VSTM2L: variants seen among roughly 807,000 people sequenced by gnomAD.
VSTM2L encodes V-set and transmembrane domain containing 2 like, also known as V-set and transmembrane domain-containing protein 2-like protein.
In VSTM2L, 9 loss-of-function variants were observed where a neutral mutation model predicts 19.9. The ratio of observed to expected loss-of-function variants is 0.45; its 90% CI spans 0.27 to 0.79. The LOEUF is 0.79. VSTM2L is among the 30% of genes least tolerant of loss of function. The pLI, the probability that VSTM2L is intolerant of heterozygous loss-of-function variation, is 0.15. For missense variants in VSTM2L, 286 were observed against 295.5 expected, an observed-to-expected ratio of 0.97 and a Z score of 0.24; for synonymous variants, 127 against 133.8, an observed-to-expected ratio of 0.95 and a Z score of 0.35.
At chr20:37,909,604 A>T (rs1187108637) in intron 1 of VSTM2L, among the ~76,000 whole-genome samples, 1 of 152,158 alleles carries the variant, frequency 6.6e-6, no homozygotes, top group Non-Finnish European at 1.5e-5. Context: ...AGGGGGAAAA[A>T]ATCACAAAAT....
At chr20:37,940,003 C>A (rs1349506567) in intron 3 of VSTM2L, among the ~76,000 whole-genome samples, 1 of 152,138 alleles carries the variant, frequency 6.6e-6, no homozygotes, top group Non-Finnish European at 1.5e-5. Flanking sequence ...GCCTTCGTGG[C>A]CCCATCTAGG....
At chr20:37,919,463 C>T (rs1256627542) in intron 1 of VSTM2L, among the ~76,000 whole-genome samples, 2 of 152,238 alleles carry the variant, frequency 1.3e-5, no homozygotes, top group South Asian at 4.1e-4. Context: ...AGGGCTTTTC[C>T]ATCCTGATTA....
intron 1 of VSTM2L, among the ~76,000 whole-genome samples, chr20:37,907,088 G>A (rs2072755508): frequency 6.6e-6 from 1 of 152,104 alleles, no homozygotes; most frequent in Admixed American, 6.5e-5. Context: ...ATGGGACCCT[G>A]GAATGTACAT....
intron 1 of VSTM2L, among the ~76,000 whole-genome samples, chr20:37,928,009 C>T (rs2072888090): frequency 6.6e-6 from 1 of 152,180 alleles, no homozygotes. Context: ...GCAGCCATTT[C>T]CCCACTGGAA....
intron 1 of VSTM2L, among the ~76,000 whole-genome samples, chr20:37,905,048 C>T (rs1316862188): frequency 6.6e-6 from 1 of 152,146 alleles, no homozygotes; most frequent in Non-Finnish European, 1.5e-5. Flanking sequence ...CAAGGTCACA[C>T]AGTAAGAGAG....
chr20:37,920,872 T>C (rs1331735310), intron 1 of VSTM2L, among the ~76,000 whole-genome samples: 1 of 151,310 alleles, frequency 6.6e-6, no homozygotes, highest in Non-Finnish European at 1.5e-5. Context: ...CCTCTGGGCT[T>C]TTGTCTGACC....
chr20:37,922,500 T>A (rs952745059), intron 1 of VSTM2L, among the ~76,000 whole-genome samples: 1 of 152,068 alleles, frequency 6.6e-6, no homozygotes, highest in Non-Finnish European at 1.5e-5. Context: ...TGGGGCCACG[T>A]TGGTTCTCAC....
chr20:37,931,707 G>A lies in VSTM2L; in HGVS notation c.194G>A (p.Arg65His), dbSNP rs776332509. The A allele has an allele frequency of 1.4e-5, 23 of 1,613,614 alleles. No individual in the cohort carries two copies. In the South Asian group the frequency reaches 1.5e-4, roughly 11 times the overall value. ...GACGTGGAGATGGCCTGCTCCTTCC[G>A]CGGCAGCGGCTCCCCCTCCTACTCG... ...GEDVEMACSF[R>H]GSGSPSYSLE... The change falls in exon 2 of 4, where the codon CGC (arginine) becomes CAC (histidine). Residue 65 changes from arginine to histidine, a missense_variant. Arg to His is a conservative substitution (Grantham distance 29). Transcript: ENST00000373461.
chr20:37,944,053 A>T lies in VSTM2L; in HGVS notation c.415A>T (p.Thr139Ser), dbSNP rs1470989378. ...LSRVKPTDEG[T>S]YECRVIDFSD... Reference sequence around the variant, plus strand: ...CCGGGTGAAGCCCACGGACGAAGGCACCTACGAGTGCCGCGTCATCGACTT... The same window carrying T: ...CCGGGTGAAGCCCACGGACGAAGGCTCCTACGAGTGCCGCGTCATCGACTT... Residue 139 changes from threonine (T) to serine (S), a missense_variant, in exon 4 of 4, where the codon ACC becomes TCC. By Grantham distance (58) the Thr-to-Ser change is moderately conservative. Transcript: ENST00000373461. 1.9e-6 allele frequency: 3 copies of T among 1,611,888 alleles called. No homozygotes were observed. The East Asian group carries it at 6.7e-5, about 36-fold the overall frequency.
intron 1 of VSTM2L, among the ~76,000 whole-genome samples, chr20:37,916,904 A>G (rs1264603528): frequency 6.6e-6 from 1 of 152,198 alleles, no homozygotes; most frequent in East Asian, 1.9e-4. Context: ...TGAGGTTGCC[A>G]GGGGTTAGGG....
chr20:37,935,215 A>G (rs994742233), intron 3 of VSTM2L, among the ~76,000 whole-genome samples: 1 of 152,218 alleles, frequency 6.6e-6, no homozygotes, highest in Non-Finnish European at 1.5e-5. Context: ...TGAATGTGCA[A>G]TTACCCCCAG....
intron 1 of VSTM2L, among the ~76,000 whole-genome samples, chr20:37,922,531 G>T (rs1170737483): frequency 6.6e-6 from 1 of 152,150 alleles, no homozygotes; most frequent in Non-Finnish European, 1.5e-5. Context: ...TCTAGCCTCA[G>T]CTCTGCCTTG....
intron 3 of VSTM2L, among the ~76,000 whole-genome samples, chr20:37,937,169 C>T (rs6091553): frequency 6.6e-6 from 1 of 152,046 alleles, no homozygotes; most frequent in East Asian, 1.9e-4. Context: ...TGCAGTGAGC[C>T]GAGATCGCAC....
chr20:37,927,597 G>A (rs1046622006), intron 1 of VSTM2L, among the ~76,000 whole-genome samples: 1 of 152,154 alleles, frequency 6.6e-6, no homozygotes, highest in Non-Finnish European at 1.5e-5. Context: ...GGCTGAACCC[G>A]GGCTGCTGAG....
At chr20:37,909,439 T>C (rs2072767865) in intron 1 of VSTM2L, among the ~76,000 whole-genome samples, 1 of 152,110 alleles carries the variant, frequency 6.6e-6, no homozygotes, top group African/African-American at 2.4e-5. Flanking sequence ...CCCAGGACAA[T>C]GCCCGGCCCA....
At chr20:37,930,369 G>C (rs1438398369) in intron 1 of VSTM2L, among the ~76,000 whole-genome samples, 7 of 152,286 alleles carry the variant, frequency 4.6e-5, no homozygotes, top group Non-Finnish European at 1.0e-4. Flanking sequence ...AGCTGAGCTG[G>C]GGTGGTGAGG....
chr20:37,938,124 G>A (rs190850414), intron 3 of VSTM2L, among the ~76,000 whole-genome samples: 1 of 151,462 alleles, frequency 6.6e-6, no homozygotes, highest in African/African-American at 2.4e-5. Flanking sequence ...GATGGCCTGG[G>A]TGGGAGAAGC....
At chr20:37,938,606 T>G (rs1023509224) in intron 3 of VSTM2L, among the ~76,000 whole-genome samples, 1 of 152,214 alleles carries the variant, frequency 6.6e-6, no homozygotes. Context: ...GCCTGAGCTG[T>G]GGGGCAAGCA....
At chr20:37,922,901 C>G (rs2072860053) in intron 1 of VSTM2L, among the ~76,000 whole-genome samples, 1 of 151,260 alleles carries the variant, frequency 6.6e-6, no homozygotes, top group Non-Finnish European at 1.5e-5. Context: ...GCTGCAGGGC[C>G]CACGCGTGAG....
Sources: allele counts gnomAD v4.1 joint callset (sites outside exome capture counted in the v4.1 genomes callset), GRCh38; gene constraint gnomAD v4.1.1; transcripts MANE v1.5; gene names NCBI Gene and HGNC (gene_info 2026-07-23, HGNC 2026-07-21).